Variants in REDIC1 observed in about 807,000 individuals in gnomAD.
REDIC1 encodes HEI10 Interacting Protein 1.
the REDIC1 span, among the ~76,000 whole-genome samples, chr12:39,796,851 T>G: frequency 6.7e-6 from 1 of 148,610 alleles, no homozygotes; most frequent in Non-Finnish European, 1.5e-5. Flanking sequence ...CCATGGACAT[T>G]TATGCACCTT....
chr12:39,732,482 G>C, the REDIC1 span, among the ~76,000 whole-genome samples: 1 of 152,118 alleles, frequency 6.6e-6, no homozygotes, highest in African/African-American at 2.4e-5. Flanking sequence ...TCAATGTCTA[G>C]ATCCAGTAAT....
At chr12:39,846,641 G>A in the REDIC1 span, among the ~76,000 whole-genome samples, 1 of 152,022 alleles carries the variant, frequency 6.6e-6, no homozygotes, top group Non-Finnish European at 1.5e-5. Flanking sequence ...TTGGAGAAAT[G>A]GGATTTTGCC....
At chr12:39,739,952 G>A in the REDIC1 span, among the ~76,000 whole-genome samples, 1 of 152,154 alleles carries the variant, frequency 6.6e-6, no homozygotes, top group Non-Finnish European at 1.5e-5. Flanking sequence ...ATAAGCTTGA[G>A]CAAGCTTATT....
At chr12:39,684,724 G>C in the REDIC1 span, 1 of 590,174 alleles carries the variant, frequency 1.7e-6, no homozygotes, top group East Asian at 2.9e-5. Context: ...TGGGCTCCTT[G>C]GCATGGAGCT....
chr12:39,793,704 G>A, the REDIC1 span, among the ~76,000 whole-genome samples: 2 of 152,054 alleles, frequency 1.3e-5, no homozygotes, highest in East Asian at 1.9e-4. Context: ...AACAGAAACC[G>A]AGTCTTGGCT....
At chr12:39,639,938 T>C in the REDIC1 span, among the ~76,000 whole-genome samples, 3 of 151,968 alleles carry the variant, frequency 2.0e-5, no homozygotes, top group African/African-American at 4.8e-5. Context: ...TATTTTATAG[T>C]GTTCCGCTGT....
the REDIC1 span, among the ~76,000 whole-genome samples, chr12:39,712,626 T>C: frequency 4.8e-5 from 7 of 145,616 alleles, no homozygotes. Context: ...GATATGTGTA[T>C]ATATGTATAC....
chr12:39,826,854 A>ATTTTTTTT, the REDIC1 span, among the ~76,000 whole-genome samples: 79 of 67,388 alleles, frequency 1.2e-3, 15 homozygotes, highest in African/African-American at 3.0e-3. Flanking sequence ...GTCTCTTTCA[A>ATTTTTTTT]TTTTTTTTTT....
the REDIC1 span, among the ~76,000 whole-genome samples, chr12:39,817,673 T>C: frequency 6.6e-6 from 1 of 152,338 alleles, no homozygotes; most frequent in Non-Finnish European, 1.5e-5. Context: ...TTTCAGTTAG[T>C]AGTCATCTTA....
the REDIC1 span, among the ~76,000 whole-genome samples, chr12:39,712,858 TATATA>T: frequency 7.2e-5 from 1 of 13,984 alleles, no homozygotes; most frequent in Non-Finnish European, 5.5e-4. Context: ...TACACATATG[TATATA>T]CACGTATATA....
At chr12:39,716,690 C>T in the REDIC1 span, 7 of 1,160,448 alleles carry the variant, frequency 6.0e-6, no homozygotes, top group Non-Finnish European at 8.6e-6. Flanking sequence ...TATCTTCTGC[C>T]TGGCATATGT....
At chr12:39,759,641 T>G in the REDIC1 span, 31 of 167,206 alleles carry the variant, frequency 1.9e-4, no homozygotes, top group Non-Finnish European at 2.7e-4. Flanking sequence ...GAATCCTTTA[T>G]AAATATATTA....
At chr12:39,861,864 T>C in the REDIC1 span, among the ~76,000 whole-genome samples, 1 of 151,728 alleles carries the variant, frequency 6.6e-6, no homozygotes, top group African/African-American at 2.4e-5. Context: ...ATCTAAAAGG[T>C]GTTTTTTTTT....
At chr12:39,900,717 T>C in the REDIC1 span, among the ~76,000 whole-genome samples, 2 of 152,198 alleles carry the variant, frequency 1.3e-5, no homozygotes, top group African/African-American at 4.8e-5. Flanking sequence ...GAACATTCCA[T>C]GCTCATGGGT....
the REDIC1 span, chr12:39,626,258 G>C: frequency 3.9e-6 from 6 of 1,545,236 alleles, no homozygotes; most frequent in East Asian, 1.4e-4. Context: ...GGGGGATCCT[G>C]CTGAAGCTGC....
the REDIC1 span, among the ~76,000 whole-genome samples, chr12:39,896,462 G>A: frequency 7.2e-6 from 1 of 139,400 alleles, no homozygotes; most frequent in South Asian, 2.2e-4. Flanking sequence ...GTGTATATAT[G>A]TATACATATA....
the REDIC1 span, among the ~76,000 whole-genome samples, chr12:39,807,338 T>C: frequency 6.6e-6 from 1 of 152,130 alleles, no homozygotes; most frequent in East Asian, 1.9e-4. Flanking sequence ...TACACACACA[T>C]GCATAAGTAA....
the REDIC1 span, among the ~76,000 whole-genome samples, chr12:39,654,606 T>C: frequency 6.6e-6 from 1 of 151,960 alleles, no homozygotes; most frequent in Admixed American, 6.6e-5. Flanking sequence ...AAAAAACTGC[T>C]TGGTGTATAA....
the REDIC1 span, among the ~76,000 whole-genome samples, chr12:39,633,335 C>G: frequency 6.6e-6 from 1 of 152,094 alleles, no homozygotes; most frequent in Non-Finnish European, 1.5e-5. Flanking sequence ...GATCATCAAT[C>G]TCATTGTCTT....
Sources: gnomAD v4.1 joint callset for allele counts (sites outside exome capture counted in the v4.1 genomes callset) on GRCh38, gnomAD v4.1.1 for gene constraint, MANE v1.5 for transcripts, NCBI Gene and HGNC (gene_info 2026-07-23, HGNC 2026-07-21) for gene names.